SGMS1: variants seen among roughly 807,000 people sequenced by gnomAD.
SGMS1 encodes the protein phosphatidylcholine:ceramide cholinephosphotransferase 1.
SGMS1 carries 13 observed loss-of-function variants against 46.2 expected under a neutral mutation model. That is an observed-to-expected ratio of 0.28 (90% confidence interval 0.18 to 0.45). SGMS1 has a LOEUF of 0.45. Among genes scored for constraint, SGMS1 ranks in the 20% least tolerant of loss-of-function variants. The pLI is 1.00. For missense variants in SGMS1, 324 were observed against 519.9 expected, an observed-to-expected ratio of 0.62 and a Z score of 3.66; for synonymous variants, 203 against 187.8, an observed-to-expected ratio of 1.08 and a Z score of -0.66.
chr10:50,331,025 C>A (rs762439196), intron 7 of SGMS1, among the ~76,000 whole-genome samples: 1 of 151,360 alleles, frequency 6.6e-6, no homozygotes, highest in Non-Finnish European at 1.5e-5. Context: ...AAATGGGTGA[C>A]AAAAAAACTG....
chr10:50,379,454 ATATG>A (rs1175407491), intron 6 of SGMS1, among the ~76,000 whole-genome samples: 1 of 139,706 alleles, frequency 7.2e-6, no homozygotes, highest in Non-Finnish European at 1.6e-5. Context: ...ATATATATAT[ATATG>A]TGCACGTGTA....
At chr10:50,375,622 C>A (rs1848512173) in intron 6 of SGMS1, among the ~76,000 whole-genome samples, 1 of 152,126 alleles carries the variant, frequency 6.6e-6, no homozygotes. Context: ...AGAGAGGAGT[C>A]AGGTGGTATC....
chr10:50,366,265 CAGTT>C (rs1336239337), intron 6 of SGMS1, among the ~76,000 whole-genome samples: 1 of 152,046 alleles, frequency 6.6e-6, no homozygotes, highest in African/African-American at 2.4e-5. Flanking sequence ...GTGGGCAAAG[CAGTT>C]AGAGTGGCGA....
At chr10:50,624,090 G>T, upstream of SGMS1, 1 of 985,202 alleles carries the variant, frequency 1.0e-6, no homozygotes. Flanking sequence ...TCCCGGGACC[G>T]AGCGGGACCC....
At chr10:50,445,547 T>G (rs1837000713) in intron 5 of SGMS1, among the ~76,000 whole-genome samples, 1 of 152,150 alleles carries the variant, frequency 6.6e-6, no homozygotes, top group South Asian at 2.1e-4. Context: ...TACTGCAATC[T>G]CTGAACATAA....
chr10:50,496,136 A>C (rs1045547540), intron 3 of SGMS1, among the ~76,000 whole-genome samples: 2 of 152,154 alleles, frequency 1.3e-5, no homozygotes, highest in African/African-American at 4.8e-5. Flanking sequence ...ACCACCAACC[A>C]CCTTTCCTAA....
At chr10:50,625,053 A>C (rs934788311), upstream of SGMS1, 55 of 998,276 alleles carry the variant, frequency 5.5e-5, no homozygotes, top group African/African-American at 9.1e-4. Flanking sequence ...TGGGCGCCGG[A>C]CTCTGGCCAC....
intron 6 of SGMS1, among the ~76,000 whole-genome samples, chr10:50,406,077 A>T (rs1251649878): frequency 6.6e-6 from 1 of 152,134 alleles, no homozygotes; most frequent in Admixed American, 6.5e-5. Context: ...AAAAAATAAT[A>T]ATAAAGGCTC....
chr10:50,623,449 A>C, intron 1 of SGMS1: 3 of 348,052 alleles, frequency 8.6e-6, no homozygotes, highest in Non-Finnish European at 1.2e-5. Flanking sequence ...TTAGCCGGGG[A>C]GCCCCGCCGG....
At chr10:50,462,345 CCAAAGATAAAGT>C (rs1461532579) in intron 4 of SGMS1, among the ~76,000 whole-genome samples, 1 of 151,738 alleles carries the variant, frequency 6.6e-6, no homozygotes, top group African/African-American at 2.4e-5. Flanking sequence ...GTTTATAAAC[CCAAAGATAAAGT>C]CAAAAGCTTA....
chr10:50,593,217 C>A (rs538346625), intron 1 of SGMS1, among the ~76,000 whole-genome samples: 2 of 152,320 alleles, frequency 1.3e-5, no homozygotes, highest in South Asian at 4.1e-4. Flanking sequence ...CATCTTGGAA[C>A]CAGATCCTTC....
At chr10:50,540,411 TACTC>T (rs1838041720) in intron 2 of SGMS1, among the ~76,000 whole-genome samples, 1 of 152,126 alleles carries the variant, frequency 6.6e-6, no homozygotes, top group Non-Finnish European at 1.5e-5. Flanking sequence ...GCACTTAAAA[TACTC>T]ACAATTACCA....
chr10:50,344,516 C>A (rs1459796040), intron 6 of SGMS1, among the ~76,000 whole-genome samples, 171 bp from the exon 7 acceptor site: 1 of 152,084 alleles, frequency 6.6e-6, no homozygotes, highest in Non-Finnish European at 1.5e-5. Context: ...TAGTCTTTTG[C>A]GACACACATT....
intron 2 of SGMS1, among the ~76,000 whole-genome samples, chr10:50,559,663 G>T (rs1295640581): frequency 6.6e-6 from 1 of 152,162 alleles, no homozygotes; most frequent in Non-Finnish European, 1.5e-5. Context: ...CCTGCCCTTA[G>T]GGCACAGGAA....
intron 6 of SGMS1, among the ~76,000 whole-genome samples, chr10:50,390,469 T>C (rs775555297): frequency 4.6e-5 from 7 of 152,178 alleles, no homozygotes; most frequent in African/African-American, 9.7e-5. Flanking sequence ...TTTAAGTCAA[T>C]AGAATGTTCA....
chr10:50,620,417 G>C (rs770248814), intron 1 of SGMS1, among the ~76,000 whole-genome samples: 7 of 152,166 alleles, frequency 4.6e-5, no homozygotes, highest in Non-Finnish European at 1.5e-5. Context: ...ATCCAAAAAA[G>C]GCATAGCCAT....
Position 50,350,560 on chromosome 10 carries a change from C to T in SGMS1, c.-231-6215G>A, listed in dbSNP as rs116796370. On this transcript the variant is annotated intron_variant, in intron 6 of 10. Coordinates refer to ENST00000361781, the MANE Select transcript of SGMS1 (RefSeq NM_147156.4). ...AGGAGGAAAACGTTGTTTCATGGGC[C>T]GGGTCCAGGGTCCCCGTGCTGTGTG... Among the ~76,000 whole-genome samples, 809 of 152,210 alleles carry T rather than the reference C, an allele frequency of 5.3e-3. 7 individuals are homozygous for T. The highest frequency in any genetic ancestry group is 0.019 in the African/African-American group (770 of 41,524).
At chr10:50,596,931 C>T (rs1172697919) in intron 1 of SGMS1, among the ~76,000 whole-genome samples, 2 of 152,180 alleles carry the variant, frequency 1.3e-5, no homozygotes, top group South Asian at 2.1e-4. Context: ...ACAACTGGCT[C>T]GTTGCACATG....
intron 1 of SGMS1, among the ~76,000 whole-genome samples, chr10:50,616,370 A>C (rs867624212): frequency 2.0e-5 from 3 of 152,170 alleles, no homozygotes; most frequent in African/African-American, 7.2e-5. Flanking sequence ...TTCTGGGCTC[A>C]AGTGATCCTC....
Sources: gnomAD v4.1 joint callset for allele counts (sites outside exome capture counted in the v4.1 genomes callset) on GRCh38, gnomAD v4.1.1 for gene constraint, MANE v1.5 for transcripts, NCBI Gene and HGNC (gene_info 2026-07-23, HGNC 2026-07-21) for gene names.